Variants in NCK1 observed in about 807,000 individuals in gnomAD.
NCK1 encodes the protein SH2/SH3 adapter protein NCK1.
In NCK1, 19 loss-of-function variants were observed where a neutral mutation model predicts 36.6. The observed-to-expected ratio is 0.52, with a 90% CI of 0.36 to 0.76. The LOEUF (loss-of-function observed/expected upper bound fraction) is 0.76. Ranked by LOEUF, NCK1 falls within the 30% of genes least tolerant of loss-of-function variation. The probability of loss-of-function intolerance (pLI) is 0.00; values close to 1 mark genes in which losing one functional copy is unlikely to be tolerated. For synonymous variants in NCK1, 165 were observed against 156.0 expected (o/e 1.06, Z -0.43); for missense variants, 358 against 445.6 (o/e 0.80, Z 1.77).
chr3:136,913,366 C>A (rs2108113730), intron 1 of NCK1, among the ~76,000 whole-genome samples: 1 of 152,048 alleles, frequency 6.6e-6, no homozygotes, highest in East Asian at 1.9e-4. Flanking sequence ...TAGCCTTGAC[C>A]TCCTGGGCTC....
At chr3:136,934,982 A>T (rs199740258) in intron 2 of NCK1, among the ~76,000 whole-genome samples, 2 of 151,812 alleles carry the variant, frequency 1.3e-5, no homozygotes, top group Non-Finnish European at 2.9e-5. Flanking sequence ...GCTCACTGCA[A>T]CCTCCGCCTC....
chr3:136,864,078 G>A (rs949172877), intron 1 of NCK1, among the ~76,000 whole-genome samples: 1 of 151,010 alleles, frequency 6.6e-6, no homozygotes, highest in Admixed American at 6.6e-5. Flanking sequence ...TCCAGCCTGG[G>A]CGACAGAGCG....
intron 1 of NCK1, among the ~76,000 whole-genome samples, chr3:136,883,710 G>A (rs1471403917): frequency 1.3e-5 from 2 of 152,152 alleles, no homozygotes; most frequent in African/African-American, 4.8e-5. Context: ...ATATAGAACC[G>A]ACTGAAATGG....
At chr3:136,894,373 C>A (rs990343576) in intron 1 of NCK1, among the ~76,000 whole-genome samples, 2 of 152,154 alleles carry the variant, frequency 1.3e-5, no homozygotes, top group Admixed American at 1.3e-4. Flanking sequence ...GGATATAATA[C>A]CCTAGCCATT....
chr3:136,928,375 G>GA (rs1940301005), intron 2 of NCK1, 148 bp downstream of exon 2: 2 of 673,932 alleles, frequency 3.0e-6, no homozygotes, highest in Non-Finnish European at 5.0e-6. Flanking sequence ...GGTCAACCCA[G>GA]AAGACCAGTG....
At chr3:136,870,290 C>T (rs769253366) in intron 1 of NCK1, among the ~76,000 whole-genome samples, 8 of 149,886 alleles carry the variant, frequency 5.3e-5, no homozygotes, top group Admixed American at 2.0e-4. Context: ...TGCAGTGAGC[C>T]GAGATCATGC....
intron 1 of NCK1, among the ~76,000 whole-genome samples, chr3:136,919,533 C>T (rs1447560697): frequency 2.0e-5 from 3 of 151,996 alleles, no homozygotes; most frequent in South Asian, 4.1e-4. Flanking sequence ...GTTTTGGCTC[C>T]GTAGACCCCT....
intron 2 of NCK1, among the ~76,000 whole-genome samples, chr3:136,935,853 AGTCC>A (rs562351637): frequency 2.0e-5 from 3 of 152,118 alleles, no homozygotes; most frequent in Non-Finnish European, 4.4e-5. Context: ...ACTCTCAATC[AGTCC>A]CTGGCAATTA....
intron 1 of NCK1, among the ~76,000 whole-genome samples, chr3:136,877,940 G>A (rs1938819899): frequency 6.6e-6 from 1 of 152,028 alleles, no homozygotes; most frequent in Non-Finnish European, 1.5e-5. Context: ...GCTGATAAAT[G>A]GTTACATGTA....
intron 2 of NCK1, among the ~76,000 whole-genome samples, chr3:136,939,834 G>T: frequency 8.0e-6 from 1 of 124,798 alleles, no homozygotes; most frequent in Non-Finnish European, 1.6e-5. Context: ...CAAATTTATT[G>T]AGGCCTTTTT....
chr3:136,892,598 T>G (rs972214747), intron 1 of NCK1, among the ~76,000 whole-genome samples: 1 of 152,258 alleles, frequency 6.6e-6, no homozygotes, highest in Admixed American at 6.5e-5. Context: ...TCTGAAGGAA[T>G]GCAGGCTTTG....
intron 1 of NCK1, among the ~76,000 whole-genome samples, chr3:136,895,726 C>T (rs750371785): frequency 2.1e-4 from 32 of 151,740 alleles, no homozygotes; most frequent in African/African-American, 5.1e-4. Flanking sequence ...CACCACACCC[C>T]GCTAATTTTT....
chr3:136,907,533 C>A (rs1236108442), intron 1 of NCK1, among the ~76,000 whole-genome samples: 1 of 152,210 alleles, frequency 6.6e-6, no homozygotes, highest in African/African-American at 2.4e-5. Flanking sequence ...TCTGGTGGGA[C>A]TGTGGACCAG....
chr3:136,876,602 C>T (rs970104680), intron 1 of NCK1, among the ~76,000 whole-genome samples: 3 of 151,488 alleles, frequency 2.0e-5, no homozygotes, highest in Non-Finnish European at 4.4e-5. Flanking sequence ...AAAACTTTGC[C>T]TATTTTGTCT....
At chr3:136,878,120 C>G (rs1560032577) in intron 1 of NCK1, among the ~76,000 whole-genome samples, 1 of 152,120 alleles carries the variant, frequency 6.6e-6, no homozygotes, top group Non-Finnish European at 1.5e-5. Flanking sequence ...TTAAAACATG[C>G]TAAGTAGGCC....
At chr3:136,876,681 A>AT (rs918695733) in intron 1 of NCK1, among the ~76,000 whole-genome samples, 1 of 151,736 alleles carries the variant, frequency 6.6e-6, no homozygotes, top group African/African-American at 2.4e-5. Flanking sequence ...GAATATACGT[A>AT]TTTTTTTTAG....
chr3:136,884,931 G>T (rs1416059386), intron 1 of NCK1, among the ~76,000 whole-genome samples: 1 of 151,956 alleles, frequency 6.6e-6, no homozygotes, highest in African/African-American at 2.4e-5. Context: ...ACGTTGGTCA[G>T]GCTGGTCTTG....
intron 1 of NCK1, among the ~76,000 whole-genome samples, chr3:136,864,435 G>T (rs1463408688): frequency 6.6e-6 from 1 of 152,030 alleles, no homozygotes; most frequent in Non-Finnish European, 1.5e-5. Context: ...AGGTTGCAGT[G>T]AGCCAAGATC....
rs146801079 is a variant in NCK1, at chr3:136,907,495, G to T, written c.-18-20489G>T. ...GACTCAGGGCCTGCAGCACTTGAGG[G>T]CTTCTCCCATGGCTAGGATTGTAAG... On this transcript the variant is annotated intron_variant, in intron 1 of 3. Coordinates refer to ENST00000481752, the MANE Select transcript of NCK1 (RefSeq NM_001291999.2). Among the ~76,000 whole-genome samples, 40 of 152,286 alleles carry T rather than the reference G, an allele frequency of 2.6e-4. No individual in the cohort carries two copies. In the Middle Eastern group the frequency reaches 0.01, roughly 39 times the overall value.
Sources: gnomAD v4.1 joint callset for allele counts (sites outside exome capture counted in the v4.1 genomes callset) on GRCh38, gnomAD v4.1.1 for gene constraint, MANE v1.5 for transcripts, NCBI Gene and HGNC (gene_info 2026-07-23, HGNC 2026-07-21) for gene names.